The following FAM9B variants were observed in gnomAD, a reference collection of about 807,000 sequenced individuals.
FAM9B encodes family with sequence similarity 9 member B, also known as protein FAM9B.
Under a neutral mutation model 16.6 loss-of-function variants are expected in FAM9B, and 18 were observed. That is an observed-to-expected ratio of 1.09 (90% CI 0.75 to 1.61). The LOEUF (loss-of-function observed/expected upper bound fraction) is 1.61. FAM9B is among the 40% of genes most tolerant of loss of function. The pLI, the probability that FAM9B is intolerant of heterozygous loss-of-function variation, is 0.00. For synonymous variants in FAM9B, 43 were observed against 42.6 expected (o/e 1.01, Z -0.03); for missense variants, 155 against 136.0 (o/e 1.14, Z -0.70).
At chrX:9,033,277 G>A in intron 1 of FAM9B, 1 of 1,084,451 alleles carries the variant, frequency 9.2e-7, no homozygotes, top group Non-Finnish European at 1.2e-6. Context: ...AAAGCTCACA[G>A]CTGCCCCTCA....
intron 5 of FAM9B, 182 bp downstream of exon 5, chrX:9,030,079 C>G (rs1158793791): frequency 1.1e-6 from 1 of 916,179 alleles, no homozygotes; most frequent in Non-Finnish European, 1.5e-6. Context: ...GGTAATATCT[C>G]TTAATTCTGT....
intron 4 of FAM9B, 31 bp downstream of exon 4, chrX:9,032,099 T>G (rs1473868838): frequency 8.4e-7 from 1 of 1,187,549 alleles, no homozygotes; most frequent in Admixed American, 2.3e-5. Flanking sequence ...AAAACAATTT[T>G]CATAAACTAC....
intron 2 of FAM9B, chrX:9,032,730 G>A: frequency 1.9e-6 from 1 of 540,433 alleles, no homozygotes; most frequent in Non-Finnish European, 2.9e-6. Flanking sequence ...GAGAAGAGCT[G>A]CTCTGAGAGC....
At chrX:9,030,698 A>G (rs1279407074) in intron 4 of FAM9B, 1 of 138,897 alleles carries the variant, frequency 7.2e-6, no homozygotes, top group Non-Finnish European at 1.4e-5. Context: ...TACATTTATA[A>G]AATGTCCTAC....
chrX:9,026,689 C>T (rs776759870), intron 7 of FAM9B, among the ~76,000 whole-genome samples: 11 of 110,695 alleles, frequency 9.9e-5, no homozygotes, highest in Non-Finnish European at 2.1e-4. Flanking sequence ...TAAAACTTGC[C>T]TCGTGATAAC....
chrX:9,030,337 T>C lies in FAM9B; in HGVS notation c.205A>G (p.Arg69Gly). Residue 69 changes from arginine (R) to glycine (G), a missense_variant, in exon 5 of 9, where the codon AGG (arginine) becomes GGG (glycine). Coordinates refer to ENST00000327220, the MANE Select transcript of FAM9B (RefSeq NM_205849.3). ...CTGCAAGTTTTATCCATTTTCATCCTTTTTCTTTTTGCAGTAAGATCCTCT... is the reference window on the plus strand; with the variant it reads ...CTGCAAGTTTTATCCATTTTCATCCCTTTTCTTTTTGCAGTAAGATCCTCT... Reference protein sequence around the residue: ...TAEDLTAKRKRMKMDKTCSKT... With the variant: ...TAEDLTAKRKGMKMDKTCSKT... The C allele has an allele frequency of 1.7e-6, 2 of 1,198,228 alleles. No individual in the cohort carries two copies. The highest frequency in any genetic ancestry group is 2.3e-6 in the Non-Finnish European group (2 of 888,051).
intron 6 of FAM9B, among the ~76,000 whole-genome samples, chrX:9,028,405 C>T (rs1479663988): frequency 9.0e-6 from 1 of 111,375 alleles, no homozygotes; most frequent in African/African-American, 3.3e-5. Flanking sequence ...TGCACCCTGA[C>T]CTAATCTCCA....
At chrX:9,026,341 G>A (rs1920966353) in intron 7 of FAM9B, among the ~76,000 whole-genome samples, 1 of 111,070 alleles carries the variant, frequency 9.0e-6, no homozygotes, top group Non-Finnish European at 1.9e-5. Flanking sequence ...GTAACGGTGA[G>A]TTCCTTCAGG....
intron 6 of FAM9B, 127 bp from the exon 7 acceptor site, chrX:9,028,093 C>T: frequency 2.2e-6 from 1 of 454,504 alleles, no homozygotes; most frequent in Non-Finnish European, 3.8e-6. Flanking sequence ...TTTTAGACAA[C>T]ATTTAGGACC....
rs1024124537 is a variant in FAM9B at position 9,033,321 on chromosome X, C to T, written c.-89-246G>A. Reference sequence around the variant, plus strand: ...CTCCACGGCCTCTGCGGGATCCTCGCCGCCCTTTTGGGACAGAACTCAGCC... The same window carrying T: ...CTCCACGGCCTCTGCGGGATCCTCGTCGCCCTTTTGGGACAGAACTCAGCC... On this transcript the variant is annotated intron_variant, in intron 1 of 8. Coordinates refer to ENST00000327220, the MANE Select transcript of FAM9B (RefSeq NM_205849.3). 20 of 1,054,501 alleles carry T rather than the reference C, an allele frequency of 1.9e-5. No homozygotes were observed. In the Admixed American group the frequency reaches 2.0e-4, roughly 10 times the overall value. 86.9% of individuals were successfully genotyped at this position (1,054,501 alleles called of 1,213,427 possible).
intron 7 of FAM9B, among the ~76,000 whole-genome samples, chrX:9,027,590 T>C (rs941325970): frequency 8.9e-6 from 1 of 111,815 alleles, no homozygotes; most frequent in Non-Finnish European, 1.9e-5. Context: ...GGTTAATGTG[T>C]TAATAAAGTG....
intron 4 of FAM9B, chrX:9,030,967 A>G (rs1341363530): frequency 8.9e-6 from 1 of 112,078 alleles, no homozygotes; most frequent in Non-Finnish European, 1.9e-5. Flanking sequence ...GGAGCTTTTT[A>G]TGACATTTGT....
Position 9,033,925 on chromosome X carries a change from G to C in FAM9B, c.-163C>G. The C allele has an allele frequency of 1.3e-6, 1 of 753,044 alleles. No individual in the cohort carries two copies. Among genetic ancestry groups the C allele is most frequent in the Non-Finnish European group, 1.6e-6 (1 of 638,828 alleles). The allele number at this position is 753,044 out of a possible 1,213,427, so 62.1% of individuals were successfully genotyped here. A position where few individuals can be genotyped will look rare whatever the true frequency, so the allele number is the denominator to read the frequency against. ...ACCACTAGGACCTCTTAGAAAACGGGTCCTCTCAGGAAGCTGAGGCAGGAG... is the reference window on the plus strand; with the variant it reads ...ACCACTAGGACCTCTTAGAAAACGGCTCCTCTCAGGAAGCTGAGGCAGGAG... On this transcript the variant is annotated 5_prime_UTR_variant, in exon 1 of 9. Coordinates refer to ENST00000327220, the MANE Select transcript of FAM9B (RefSeq NM_205849.3).
Position 9,030,359 on chromosome X carries a change from C to G in FAM9B, c.183G>C (p.Glu61Asp). Residue 61 changes from glutamate (E) to aspartate (D), a missense_variant and splice_region_variant, in exon 5 of 9, where the codon GAG becomes GAC. Glu to Asp is a conservative substitution (Grantham distance 45). Transcript: ENST00000327220. ...TCCTTTTTCTTTTTGCAGTAAGATC[C>G]TCTTTAATGTCAGTTAGATAGTAAA... is the stretch of plus-strand genomic sequence containing the variant. ...ANTKKPEDTA[E>D]DLTAKRKRMK... 8.5e-7 allele frequency: 1 copy of G among 1,177,657 alleles called. No homozygotes were observed. The highest frequency in any genetic ancestry group is 1.1e-6 in the Non-Finnish European group (1 of 873,392).
intron 2 of FAM9B, 102 bp from the exon 3 acceptor site, chrX:9,032,563 G>GT: frequency 2.2e-6 from 1 of 444,545 alleles, no homozygotes. Context: ...TGGGGGGGGG[G>GT]GGCTCTCTGC....
rs1921177269 is a variant in FAM9B at position 9,034,001 on chromosome X, C to T, written c.-239G>A. 1 of 494,316 alleles carries T rather than the reference C, an allele frequency of 2.0e-6. No individual in the cohort carries two copies. The allele number at this position is 494,316 out of a possible 1,213,427, so 40.7% of individuals were successfully genotyped here. On this transcript the variant is annotated 5_prime_UTR_variant, in exon 1 of 9. It adds an upstream start codon to the 5' untranslated region. Transcript: ENST00000327220. ...GTTGCAGTGAGCCCAGATCACACCA[C>T]TGCACTGCAGCCTAGGCAGCAAGAG...
Position 9,032,165 on chromosome X carries a change from TAA to T in FAM9B, c.150-6_150-5del. ...TTCTGGCTTCTTGGTATTAGCCCTG[TAA>T]AAAAAGTTACATCAAAATTTTAACA... On this transcript the variant is annotated splice_polypyrimidine_tract_variant and splice_region_variant and intron_variant, in intron 3 of 8. Transcript: ENST00000327220. The T allele has an allele frequency of 2.5e-6, 3 of 1,203,531 alleles. No homozygotes were observed. The highest frequency in any genetic ancestry group is 3.4e-6 in the Non-Finnish European group (3 of 891,934).
At chrX:9,030,060 T>C in intron 5 of FAM9B, 2 of 731,603 alleles carry the variant, frequency 2.7e-6, no homozygotes, top group East Asian at 3.7e-5. Context: ...TCATCTTCAT[T>C]GGCTTCTAGG....
intron 7 of FAM9B, among the ~76,000 whole-genome samples, chrX:9,027,594 T>G (rs1460867490): frequency 8.9e-6 from 1 of 111,882 alleles, no homozygotes; most frequent in African/African-American, 3.2e-5. Context: ...AATGTGTTAA[T>G]AAAGTGTCAA....
Sources: allele counts gnomAD v4.1 joint callset (sites outside exome capture counted in the v4.1 genomes callset), GRCh38; gene constraint gnomAD v4.1.1; transcripts MANE v1.5; gene names NCBI Gene and HGNC (gene_info 2026-07-23, HGNC 2026-07-21).